CTSO: variants seen among roughly 807,000 people sequenced by gnomAD.
CTSO encodes cathepsin O.
CTSO carries 40 observed loss-of-function variants against 42.4 expected under a neutral mutation model. The observed-to-expected ratio is 0.94, with a 90% CI of 0.73 to 1.23. The LOEUF (loss-of-function observed/expected upper bound fraction) is 1.23, where lower values mean the gene tolerates loss of function less well. Among genes scored for constraint, CTSO ranks in the 50% most tolerant of loss-of-function variants. The pLI, the probability that CTSO is intolerant of heterozygous loss-of-function variation, is 0.00. For synonymous variants in CTSO, 156 were observed against 146.2 expected, an observed-to-expected ratio of 1.07 and a Z score of -0.48; for missense variants, 441 against 396.0, an observed-to-expected ratio of 1.11 and a Z score of -0.96.
intron 1 of CTSO, among the ~76,000 whole-genome samples, chr4:155,945,216 C>A (rs1221097648): frequency 1.3e-5 from 2 of 151,872 alleles, no homozygotes; most frequent in Admixed American, 6.6e-5. Context: ...GAGATCACAG[C>A]ACTGCACTCC....
chr4:155,952,068 A>G (rs575300394), intron 1 of CTSO, among the ~76,000 whole-genome samples: 6 of 152,262 alleles, frequency 3.9e-5, no homozygotes, highest in Non-Finnish European at 5.9e-5. Context: ...TGAAGCCTCA[A>G]TGTTCTCTTT....
Position 155,953,722 on chromosome 4 carries a change from G to T in CTSO, c.126C>A (p.Ala42=). The change falls in exon 1 of 8, where the codon GCC becomes GCA. Residue 42 remains alanine (A), a synonymous_variant. Coordinates refer to ENST00000433477, the MANE Select transcript of CTSO (RefSeq NM_001334.3). ...TWPRSREREA[A]AFRESLNRHR... is the part of the protein sequence containing the mutation. ...GGCGCGCGCTCGGTACCCGGAAGGC[G>T]GCGGCTTCACGCTCGCGGCTCCGCG... 7.9e-7 allele frequency: 1 copy of T among 1,270,962 alleles called. No homozygotes were observed. The highest frequency in any genetic ancestry group is 9.9e-7 in the Non-Finnish European group (1 of 1,009,546). The allele number at this position is 1,270,962 out of a possible 1,614,324, so 78.7% of individuals were successfully genotyped here.
intron 6 of CTSO, 38 bp downstream of exon 6, chr4:155,929,504 T>C: frequency 1.3e-6 from 2 of 1,582,642 alleles, no homozygotes; most frequent in Non-Finnish European, 1.7e-6. Context: ...TCAGTGTCCA[T>C]GCTGGAAAGC....
intron 5 of CTSO, 57 bp downstream of exon 5, chr4:155,937,305 C>G (rs946533544): frequency 7.1e-7 from 1 of 1,406,766 alleles, no homozygotes. Flanking sequence ...ATTAACCAGT[C>G]AATAGATCAT....
rs760021850 is a variant in CTSO, at chr4:155,937,480, G to A, written c.556C>T (p.Gln186Ter). 8.1e-6 allele frequency: 13 copies of A among 1,612,178 alleles called. No homozygotes were observed. In the South Asian group the frequency reaches 1.2e-4, roughly 15 times the overall value. Residue 186 changes from glutamine (Q) to a stop codon, truncating the protein, a stop_gained, in exon 5 of 8, where the codon CAA becomes TAA. Coordinates refer to ENST00000433477, the MANE Select transcript of CTSO (RefSeq NM_001334.3). LOFTEE classifies it high-confidence loss of function. ...TCTGAATCTTTCACCAGTTTTACTT[G>A]CATCTAAAAGAAAACAATCACTGAA... The part of the protein sequence containing the change: ...LNALNWLNKM[Q>*]VKLVKDSEYP...
At chr4:155,937,790 A>AT (rs1412972826) in intron 4 of CTSO, among the ~76,000 whole-genome samples, 4 of 151,680 alleles carry the variant, frequency 2.6e-5, no homozygotes, top group Admixed American at 2.0e-4. Flanking sequence ...AATTTTTTGT[A>AT]TTTTTTGTAA....
intron 5 of CTSO, among the ~76,000 whole-genome samples, chr4:155,931,597 G>A (rs916727513): frequency 6.6e-6 from 1 of 152,044 alleles, no homozygotes; most frequent in African/African-American, 2.4e-5. Context: ...AAAGATGTCA[G>A]CTTTTAGAGA....
rs116054686 is a variant in CTSO, at chr4:155,952,085, T to A, written c.135+1628A>T. Among the ~76,000 whole-genome samples the A allele has an allele frequency of 5.9e-3, 904 of 152,252 alleles. 2 individuals are homozygous for A. Among genetic ancestry groups the A allele is most frequent in the Non-Finnish European group, 9.8e-3 (665 of 68,020 alleles). ...AAGCCTCAATGTTCTCTTTTTTGGGTATCCATCTCATGAAGCAAATTCTTA... is the reference window on the plus strand; with the variant it reads ...AAGCCTCAATGTTCTCTTTTTTGGGAATCCATCTCATGAAGCAAATTCTTA... On this transcript the variant is annotated intron_variant, in intron 1 of 7. Coordinates refer to ENST00000433477, the MANE Select transcript of CTSO (RefSeq NM_001334.3).
At chr4:155,940,661 G>C (rs990874180) in intron 3 of CTSO, among the ~76,000 whole-genome samples, 1 of 152,046 alleles carries the variant, frequency 6.6e-6, no homozygotes, top group Non-Finnish European at 1.5e-5. Context: ...TGACCAACAT[G>C]GTGAAACCCC....
intron 1 of CTSO, among the ~76,000 whole-genome samples, chr4:155,946,997 G>A (rs887169621): frequency 3.3e-5 from 5 of 151,778 alleles, no homozygotes; most frequent in African/African-American, 7.2e-5. Context: ...CTGGGACTAC[G>A]GGCACCCGCC....
At chr4:155,946,273 T>C (rs1743545534) in intron 1 of CTSO, among the ~76,000 whole-genome samples, 1 of 152,230 alleles carries the variant, frequency 6.6e-6, no homozygotes, top group Non-Finnish European at 1.5e-5. Flanking sequence ...TGTACTTCTC[T>C]TAATTTTTGT....
intron 3 of CTSO, among the ~76,000 whole-genome samples, chr4:155,941,930 C>G (rs1484349837): frequency 2.6e-5 from 4 of 151,984 alleles, no homozygotes; most frequent in African/African-American, 4.8e-5. Context: ...TTTCTTGAAC[C>G]ATTTAAGCCT....
intron 6 of CTSO, 34 bp downstream of exon 6, chr4:155,929,508 G>T (rs1455390026): frequency 3.2e-6 from 5 of 1,586,752 alleles, no homozygotes; most frequent in African/African-American, 1.3e-5. Context: ...TGTCCATGCT[G>T]GAAAGCAGTC....
intron 1 of CTSO, among the ~76,000 whole-genome samples, chr4:155,950,074 A>G (rs1006587277): frequency 2.6e-5 from 4 of 152,250 alleles, no homozygotes; most frequent in Admixed American, 6.5e-5. Flanking sequence ...TATACAGTGT[A>G]CTGAAGTGTG....
intron 5 of CTSO, among the ~76,000 whole-genome samples, chr4:155,930,788 T>G (rs561734312): frequency 6.6e-6 from 1 of 152,290 alleles, no homozygotes; most frequent in Non-Finnish European, 1.5e-5. Context: ...AGAAACTATA[T>G]ATTCATTTTA....
intron 3 of CTSO, among the ~76,000 whole-genome samples, chr4:155,941,783 G>T (rs1743434091): frequency 6.6e-6 from 1 of 152,180 alleles, no homozygotes; most frequent in Non-Finnish European, 1.5e-5. Context: ...AAGGCCCACA[G>T]ATTCAAAGGT....
chr4:155,924,687 A>G lies in CTSO; in HGVS notation c.*1349T>C, dbSNP rs1743099534. ...TTTAATATGGTTGTGCTTATATTCAATCAGAAGGTCAACTCCTTTGCTCTA... is the reference window on the plus strand; with the variant it reads ...TTTAATATGGTTGTGCTTATATTCAGTCAGAAGGTCAACTCCTTTGCTCTA... On this transcript the variant is annotated 3_prime_UTR_variant, in exon 8 of 8. Transcript: ENST00000433477. 1 of 152,206 alleles carries G rather than the reference A, an allele frequency of 6.6e-6. No individual in the cohort carries two copies. The highest frequency in any genetic ancestry group is 2.1e-4 in the South Asian group (1 of 4,834). The allele number at this position is 152,206 out of a possible 1,614,324, so 9.4% of individuals were successfully genotyped here.
intron 1 of CTSO, among the ~76,000 whole-genome samples, chr4:155,944,261 C>T (rs1001469254): frequency 6.6e-6 from 1 of 152,142 alleles, no homozygotes; most frequent in Non-Finnish European, 1.5e-5. Context: ...TAAATTATTG[C>T]TGGAAGTTGT....
chr4:155,940,959 T>C (rs1465242835), intron 3 of CTSO, among the ~76,000 whole-genome samples: 1 of 152,164 alleles, frequency 6.6e-6, no homozygotes, highest in Non-Finnish European at 1.5e-5. Context: ...ATACATTCCT[T>C]TAATTAAAGA....
Sources: allele counts gnomAD v4.1 joint callset (sites outside exome capture counted in the v4.1 genomes callset), GRCh38; gene constraint gnomAD v4.1.1; transcripts MANE v1.5; gene names NCBI Gene and HGNC (gene_info 2026-07-23, HGNC 2026-07-21).